The following SMAD6 variants were observed in gnomAD, a reference collection of about 807,000 sequenced individuals.
SMAD6 encodes SMAD family member 6.
In SMAD6, 103 loss-of-function variants were observed where a neutral mutation model predicts 39.4. The observed-to-expected ratio is 2.62, with a 90% CI of 2.23 to 3.08. The LOEUF (loss-of-function observed/expected upper bound fraction) is 3.08. Among genes scored for constraint, SMAD6 ranks in the 30% most tolerant of loss-of-function variants. The pLI is 0.00. For missense variants in SMAD6, 1,104 were observed against 742.9 expected, an observed-to-expected ratio of 1.49 and a Z score of -5.65; for synonymous variants, 445 against 353.3, an observed-to-expected ratio of 1.26 and a Z score of -2.91.
intron 3 of SMAD6, among the ~76,000 whole-genome samples, chr15:66,774,216 T>C (rs1036317681): frequency 1.3e-5 from 2 of 152,206 alleles, no homozygotes; most frequent in African/African-American, 4.8e-5. Context: ...TCTTGGAGCA[T>C]GCAGCCCACG....
At chr15:66,780,007 C>T (rs914494289) in intron 3 of SMAD6, among the ~76,000 whole-genome samples, 4 of 152,238 alleles carry the variant, frequency 2.6e-5, no homozygotes, top group Admixed American at 2.6e-4. Flanking sequence ...CTCCTCCAGA[C>T]ACACAGACGG....
At position 66,781,199 on chromosome 15, in the gene SMAD6, CA is replaced by C. The variant is rs1441072300; in HGVS notation, c.1157del (p.Lys386ArgfsTer153). ...GCGAGTCGGTGCGGCGAACGCGCAG[CA>C]AGATCGGCTTCGGCATCCTGCTCAG... ...RSESVRRTRS[K>X]IGFGILLSKE... On this transcript the variant is annotated frameshift_variant, in exon 4 of 4. Coordinates refer to ENST00000288840, the MANE Select transcript of SMAD6 (RefSeq NM_005585.5). LOFTEE classifies it high-confidence loss of function. 1.2e-6 allele frequency: 2 copies of C among 1,608,204 alleles called. No individual in the cohort carries two copies. The highest frequency in any genetic ancestry group is 1.3e-5 in the African/African-American group (1 of 74,926).
chr15:66,717,267 G>GC, intron 3 of SMAD6: 1 of 554,430 alleles, frequency 1.8e-6, no homozygotes, highest in Non-Finnish European at 3.2e-6. Context: ...GGCTGGGGCT[G>GC]CATACCTTGT....
chr15:66,739,856 C>T (rs1233597905), intron 3 of SMAD6, among the ~76,000 whole-genome samples: 1 of 152,094 alleles, frequency 6.6e-6, no homozygotes, highest in Non-Finnish European at 1.5e-5. Flanking sequence ...CCCAGGGTAG[C>T]CTCGAACTAT....
intron 3 of SMAD6, among the ~76,000 whole-genome samples, chr15:66,748,272 G>A (rs138329927): frequency 5.7e-4 from 87 of 151,894 alleles, no homozygotes; most frequent in African/African-American, 2.1e-3. Context: ...AAATAGGGAG[G>A]AATTAAATAT....
chr15:66,776,241 G>A (rs1894466002), intron 3 of SMAD6, among the ~76,000 whole-genome samples: 1 of 152,188 alleles, frequency 6.6e-6, no homozygotes, highest in African/African-American at 2.4e-5. Flanking sequence ...GACCTTCCAT[G>A]GCAGTGACCC....
At position 66,781,572 on chromosome 15, in the gene SMAD6, G is replaced by A. The variant is rs1178940752; in HGVS notation, c.*37G>A. On this transcript the variant is annotated 3_prime_UTR_variant, in exon 4 of 4. Coordinates refer to ENST00000288840, the MANE Select transcript of SMAD6 (RefSeq NM_005585.5). ...GCGGGAGGGGCGGGTGGGAGGCCGC[G>A]GCCACCGCCACCTGCCGGCCTCGAG... The A allele has an allele frequency of 1.2e-5, 17 of 1,441,060 alleles. No homozygotes were observed. The highest frequency in any genetic ancestry group is 1.5e-5 in the Non-Finnish European group (16 of 1,097,492). The allele number at this position is 1,441,060 out of a possible 1,614,324, so 89.3% of individuals were successfully genotyped here.
chr15:66,735,808 T>C (rs1003535256), intron 3 of SMAD6, among the ~76,000 whole-genome samples: 1 of 152,022 alleles, frequency 6.6e-6, no homozygotes, highest in Non-Finnish European at 1.5e-5. Flanking sequence ...CACACACACA[T>C]ACACACACCC....
intron 3 of SMAD6, among the ~76,000 whole-genome samples, chr15:66,752,206 A>G (rs1014813696): frequency 4.6e-5 from 7 of 152,146 alleles, no homozygotes. Context: ...TGGGACTCTC[A>G]TAGGTCAGGA....
intron 2 of SMAD6, among the ~76,000 whole-genome samples, chr15:66,712,998 C>T (rs1407586159): frequency 1.3e-5 from 2 of 152,148 alleles, no homozygotes; most frequent in African/African-American, 2.4e-5. Context: ...CAGAACAAGA[C>T]CCCATCTCTA....
At chr15:66,707,921 G>C (rs1893150968) in intron 1 of SMAD6, 2 of 152,352 alleles carry the variant, frequency 1.3e-5, no homozygotes, top group African/African-American at 4.8e-5. Flanking sequence ...CCAGGCACTG[G>C]GAGAGGCTGT....
rs1894573824 is a variant in SMAD6, at chr15:66,781,458, TG to T, written c.1419del (p.Cys475AlafsTer64). 5.0e-6 allele frequency: 8 copies of T among 1,603,526 alleles called. No homozygotes were observed. Among genetic ancestry groups the T allele is most frequent in the Middle Eastern group, 1.7e-4 (1 of 6,046 alleles). Reference sequence around the variant, plus strand: ...CGTCCGCATCAGCTTCGCCAAGGGCTGGGGGCCCTGCTACTCCCGGCAGTTC... The same window carrying T: ...CGTCCGCATCAGCTTCGCCAAGGGCTGGGGCCCTGCTACTCCCGGCAGTTC... Reference protein sequence around the residue: ...NSVRISFAKGWGPCYSRQFIT... With the variant: ...NSVRISFAKGXGPCYSRQFIT... On this transcript the variant is annotated frameshift_variant, in exon 4 of 4. Coordinates refer to ENST00000288840, the MANE Select transcript of SMAD6 (RefSeq NM_005585.5). LOFTEE classifies it high-confidence loss of function.
chr15:66,703,357 C>G lies in SMAD6; in HGVS notation c.99C>G (p.Gly33=). ...GCGGCAGCGGCGGCGGCGGTGGCGG[C>G]GACGAGGATGGGAGCTTGGGCAGCC... The part of the protein sequence containing the change: ...EEGGSGGGGG[G]DEDGSLGSRA... The change falls in exon 1 of 4, where the codon GGC becomes GGG. Residue 33 remains glycine (G), a synonymous_variant. Coordinates refer to ENST00000288840, the MANE Select transcript of SMAD6 (RefSeq NM_005585.5). The G allele has an allele frequency of 6.8e-7, 1 of 1,477,990 alleles. No individual in the cohort carries two copies. Among genetic ancestry groups the G allele is most frequent in the Non-Finnish European group, 9.0e-7 (1 of 1,114,222 alleles). The allele number at this position is 1,477,990 out of a possible 1,614,324, so 91.6% of individuals were successfully genotyped here.
chr15:66,740,593 T>G (rs1207789203), intron 3 of SMAD6: 2 of 152,226 alleles, frequency 1.3e-5, no homozygotes, highest in Non-Finnish European at 2.9e-5. Context: ...ACCGTTTGCC[T>G]GGTTCTTGTG....
At chr15:66,722,328 G>A (rs1195320956) in intron 3 of SMAD6, among the ~76,000 whole-genome samples, 2 of 152,236 alleles carry the variant, frequency 1.3e-5, no homozygotes, top group Non-Finnish European at 2.9e-5. Context: ...GAGGGCAGGG[G>A]ATATGTTTTA....
chr15:66,761,019 C>T (rs1032655947), intron 3 of SMAD6, among the ~76,000 whole-genome samples: 1 of 152,238 alleles, frequency 6.6e-6, no homozygotes, highest in Non-Finnish European at 1.5e-5. Context: ...TGAGAACCTC[C>T]AGGGGCGGGG....
intron 3 of SMAD6, among the ~76,000 whole-genome samples, chr15:66,765,442 C>G (rs1183244930): frequency 5.9e-5 from 9 of 152,182 alleles, no homozygotes; most frequent in Admixed American, 5.2e-4. Context: ...CCAGGATGGT[C>G]TCTATCTCCT....
intron 1 of SMAD6, chr15:66,708,381 C>G (rs2140590980): frequency 5.4e-6 from 1 of 185,428 alleles, no homozygotes; most frequent in South Asian, 1.1e-4. Flanking sequence ...GAGTGCCCAC[C>G]TTGCCCACCT....
At chr15:66,723,354 C>G (rs1893467685) in intron 3 of SMAD6, among the ~76,000 whole-genome samples, 2 of 152,172 alleles carry the variant, frequency 1.3e-5, no homozygotes, top group Admixed American at 1.3e-4. Context: ...TGAGTGTGGG[C>G]TTTTGAATGA....
Sources: gnomAD v4.1 joint callset for allele counts (sites outside exome capture counted in the v4.1 genomes callset) on GRCh38, gnomAD v4.1.1 for gene constraint, MANE v1.5 for transcripts, NCBI Gene and HGNC (gene_info 2026-07-23, HGNC 2026-07-21) for gene names.